GPR158: variants seen among roughly 807,000 people sequenced by gnomAD.
The protein encoded by GPR158 is metabotropic glycine receptor.
Under a neutral mutation model 78.2 loss-of-function variants are expected in GPR158, and 30 were observed. The ratio of observed to expected loss-of-function variants is 0.38; its 90% CI spans 0.29 to 0.52. The LOEUF (loss-of-function observed/expected upper bound fraction) is 0.52, where lower values mean the gene tolerates loss of function less well. Among genes scored for constraint, GPR158 ranks in the 20% least tolerant of loss-of-function variants. The pLI is 0.83. For synonymous variants in GPR158, 581 were observed against 591.1 expected (o/e 0.98, Z 0.25); for missense variants, 1,463 against 1,523.5 (o/e 0.96, Z 0.66).
intron 5 of GPR158, among the ~76,000 whole-genome samples, chr10:25,532,337 A>C (rs1836435439): frequency 1.3e-5 from 2 of 152,132 alleles, no homozygotes; most frequent in South Asian, 4.1e-4. Flanking sequence ...AGAGTGATGC[A>C]TTTTTTATGT....
chr10:25,433,975 T>C lies in GPR158; in HGVS notation c.1335+21502T>C, dbSNP rs190483765. Among the ~76,000 whole-genome samples, 1,238 of 152,090 alleles carry C rather than the reference T, an allele frequency of 8.1e-3. 9 individuals carry two copies. Among genetic ancestry groups the C allele is most frequent in the Non-Finnish European group, 0.012 (838 of 67,988 alleles). On this transcript the variant is annotated intron_variant, in intron 4 of 10. Transcript: ENST00000376351. The stretch of plus-strand genomic sequence containing the variant: ...GAGATTGAGACCGTCCTGGCTAACA[T>C]GGTGAAACCCCATCTCTACTAAAAA...
At chr10:25,441,707 T>C (rs1835070439) in intron 4 of GPR158, among the ~76,000 whole-genome samples, 1 of 152,208 alleles carries the variant, frequency 6.6e-6, no homozygotes, top group Non-Finnish European at 1.5e-5. Flanking sequence ...ATCATTGACT[T>C]ATAACCTTGA....
At chr10:25,545,015 T>C (rs1588906262) in intron 5 of GPR158, among the ~76,000 whole-genome samples, 1 of 152,162 alleles carries the variant, frequency 6.6e-6, no homozygotes, top group African/African-American at 2.4e-5. Flanking sequence ...GCTTCATCCA[T>C]CTCCCTGCAA....
chr10:25,578,860 T>C (rs1247344057), intron 7 of GPR158, among the ~76,000 whole-genome samples: 2 of 151,678 alleles, frequency 1.3e-5, no homozygotes, highest in African/African-American at 4.8e-5. Context: ...ACAAAAAAAA[T>C]TAGCTGGGCA....
At chr10:25,513,575 G>T (rs949027794) in intron 5 of GPR158, among the ~76,000 whole-genome samples, 1 of 150,928 alleles carries the variant, frequency 6.6e-6, no homozygotes, top group Non-Finnish European at 1.5e-5. Flanking sequence ...GGTTTGGATT[G>T]TTCCTTTTTC....
At chr10:25,314,894 G>A (rs1384089717) in intron 2 of GPR158, among the ~76,000 whole-genome samples, 19 of 74,150 alleles carry the variant, frequency 2.6e-4, no homozygotes, top group African/African-American at 1.3e-3. Context: ...TATGACTAAT[G>A]AGTTTACACA....
chr10:25,404,607 G>C (rs991859688), intron 3 of GPR158, among the ~76,000 whole-genome samples: 6 of 151,962 alleles, frequency 3.9e-5, no homozygotes, highest in African/African-American at 1.4e-4. Context: ...AAGTGTATAG[G>C]CTTTTTCTAT....
chr10:25,562,140 T>G (rs1468783014), intron 6 of GPR158, among the ~76,000 whole-genome samples: 2 of 151,804 alleles, frequency 1.3e-5, no homozygotes, highest in Non-Finnish European at 2.9e-5. Context: ...TTTATTTACA[T>G]AAAGTCAGTA....
chr10:25,521,015 A>G (rs1232198885), intron 5 of GPR158, among the ~76,000 whole-genome samples: 1 of 151,828 alleles, frequency 6.6e-6, no homozygotes, highest in African/African-American at 2.4e-5. Context: ...GCAATCAGCG[A>G]GACTCTGTGG....
In GPR158 at chr10:25,516,730, A is replaced by G. The variant is rs868730414; in HGVS notation, c.1405-34246A>G. On this transcript the variant is annotated intron_variant, in intron 5 of 10. Transcript: ENST00000376351. ...GCTCTGTTCTGTTCCATTGATCTAT[A>G]TCTCTGTTTTGGTACCAGTACCATG... Among the ~76,000 whole-genome samples the G allele has an allele frequency of 2.3e-4, 24 of 103,850 alleles. 1 individual carries two copies. Among genetic ancestry groups the G allele is most frequent in the Admixed American group, 7.1e-4 (7 of 9,828 alleles). The allele number at this position is 103,850 out of a possible 152,430, so 68.1% of individuals were successfully genotyped here.
chr10:25,541,365 A>T (rs540535397), intron 5 of GPR158, among the ~76,000 whole-genome samples: 30 of 151,672 alleles, frequency 2.0e-4, no homozygotes, highest in Non-Finnish European at 3.1e-4. Flanking sequence ...CCAGCATATG[A>T]TTTTTTTTCA....
chr10:25,325,981 C>T (rs900848538), intron 2 of GPR158, among the ~76,000 whole-genome samples: 5 of 151,578 alleles, frequency 3.3e-5, no homozygotes, highest in Non-Finnish European at 5.9e-5. Context: ...CAGGGGAACA[C>T]GTGCAGGATG....
At chr10:25,324,551 T>C (rs983738033) in intron 2 of GPR158, among the ~76,000 whole-genome samples, 2 of 152,110 alleles carry the variant, frequency 1.3e-5, no homozygotes, top group African/African-American at 2.4e-5. Flanking sequence ...ACAGATATAA[T>C]AATAATAAGA....
intron 1 of GPR158, among the ~76,000 whole-genome samples, chr10:25,200,968 C>A (rs1235487798): frequency 8.1e-6 from 1 of 124,130 alleles, no homozygotes; most frequent in Non-Finnish European, 1.7e-5. Context: ...TGTTCTTTTT[C>A]TTAGGATTGC....
At chr10:25,337,683 G>A (rs569567957) in intron 2 of GPR158, among the ~76,000 whole-genome samples, 2 of 151,806 alleles carry the variant, frequency 1.3e-5, no homozygotes, top group Admixed American at 6.6e-5. Flanking sequence ...TCATAGGGTG[G>A]GCAAATACTA....
chr10:25,472,370 G>T (rs1835519528), intron 5 of GPR158, among the ~76,000 whole-genome samples: 1 of 152,148 alleles, frequency 6.6e-6, no homozygotes, highest in South Asian at 2.1e-4. Context: ...CTGTAGCCTT[G>T]TAGTATAGTT....
At chr10:25,399,042 AG>A (rs1834405743) in intron 3 of GPR158, among the ~76,000 whole-genome samples, 1 of 152,228 alleles carries the variant, frequency 6.6e-6, no homozygotes, top group Non-Finnish European at 1.5e-5. Flanking sequence ...TAATTTATAA[AG>A]AAAAGAGATT....
At chr10:25,511,097 T>C (rs1564475135) in intron 5 of GPR158, among the ~76,000 whole-genome samples, 1 of 152,210 alleles carries the variant, frequency 6.6e-6, no homozygotes, top group Non-Finnish European at 1.5e-5. Flanking sequence ...GTAGTTCTAC[T>C]TTTGTTCTTT....
chr10:25,417,318 T>C (rs1370163547), intron 4 of GPR158, among the ~76,000 whole-genome samples: 1 of 152,180 alleles, frequency 6.6e-6, no homozygotes, highest in Non-Finnish European at 1.5e-5. Flanking sequence ...CCTGATACAC[T>C]GTTCTTGGCT....
Sources: gnomAD v4.1 joint callset for allele counts (sites outside exome capture counted in the v4.1 genomes callset) on GRCh38, gnomAD v4.1.1 for gene constraint, MANE v1.5 for transcripts, NCBI Gene and HGNC (gene_info 2026-07-23, HGNC 2026-07-21) for gene names.